KISS1: variants seen among roughly 807,000 people sequenced by gnomAD.
The protein encoded by KISS1 is KiSS-1 metastasis suppressor.
For missense variants in KISS1, 182 were observed against 182.7 expected (o/e 1.00, Z 0.02); for synonymous variants, 97 against 88.7 (o/e 1.09, Z -0.52).
intron 1 of KISS1, among the ~76,000 whole-genome samples, chr1:204,194,467 T>C (rs374238304): frequency 3.6e-4 from 55 of 152,320 alleles, no homozygotes; most frequent in African/African-American, 1.3e-3. Flanking sequence ...AGGGTCTGGG[T>C]TGATTTGGAA....
intron 2 of KISS1, among the ~76,000 whole-genome samples, chr1:204,191,744 G>A (rs558721619): frequency 2.0e-5 from 3 of 152,354 alleles, no homozygotes; most frequent in East Asian, 3.9e-4. Flanking sequence ...AGTCGCCTGC[G>A]AGGTCCCTCA....
At position 204,193,234 on chromosome 1, in the gene KISS1, A is replaced by G. The variant is rs541951913; in HGVS notation, c.-38-320T>C. Among the ~76,000 whole-genome samples the G allele has an allele frequency of 2.6e-5, 4 of 152,178 alleles. No individual in the cohort carries two copies. The South Asian group carries it at 8.3e-4, about 32-fold the overall frequency. ...GGGGCAGGACTGCTTGGGTCAGAGA[A>G]TGGCCAGGATTCTGAATCTCAGGGT... On this transcript the variant is annotated intron_variant, in intron 1 of 2. Coordinates refer to ENST00000367194, the MANE Select transcript of KISS1 (RefSeq NM_002256.4).
chr1:204,190,884 T>G (rs1477066728), intron 2 of KISS1, 87 bp from the exon 3 acceptor site: 1 of 1,190,676 alleles, frequency 8.4e-7, no homozygotes, highest in African/African-American at 1.5e-5. Context: ...TATCCTTCTT[T>G]TCCTTCCTTG....
intron 2 of KISS1, among the ~76,000 whole-genome samples, chr1:204,191,821 C>T (rs1031697018): frequency 4.6e-5 from 7 of 152,206 alleles, no homozygotes; most frequent in African/African-American, 1.7e-4. Context: ...CACGCTAGAC[C>T]AGTAGTAAAT....
intron 1 of KISS1, among the ~76,000 whole-genome samples, chr1:204,195,141 C>A (rs911573856): frequency 1.1e-5 from 1 of 94,184 alleles, no homozygotes; most frequent in African/African-American, 4.2e-5. Context: ...AGCACACACA[C>A]ACACACCCCC....
Position 204,190,429 on chromosome 1 carries a change from C to CCCCCATGCTCTGACT in KISS1, c.*54_*55insAGTCAGAGCATGGGG. 1.0e-6 allele frequency: 1 copy of CCCCCATGCTCTGACT among 998,578 alleles called. No homozygotes were observed. Among genetic ancestry groups the CCCCCATGCTCTGACT allele is most frequent in the Non-Finnish European group, 1.5e-6 (1 of 661,878 alleles). 61.9% of individuals were successfully genotyped at this position (998,578 alleles called of 1,614,324 possible). A position where few individuals can be genotyped will look rare whatever the true frequency, so the allele number is the denominator to read the frequency against. On this transcript the variant is annotated 3_prime_UTR_variant, in exon 3 of 3. Transcript: ENST00000367194. ...CTACGTCCCCGCCCCCCGCCCCCGCCCCGCATGCTCTGACTCCTTTGGGGT... is the reference window on the plus strand; with the variant it reads ...CTACGTCCCCGCCCCCCGCCCCCGCCCCCCATGCTCTGACTCCGCATGCTCTGACTCCTTTGGGGT...
At chr1:204,195,292 A>C (rs370833675) in intron 1 of KISS1, among the ~76,000 whole-genome samples, 11 of 9,430 alleles carry the variant, frequency 1.2e-3, no homozygotes, top group African/African-American at 3.8e-3. Context: ...CACACCACAC[A>C]CATACACCCA....
chr1:204,192,784 A>G lies in KISS1; in HGVS notation c.93T>C (p.Ser31=). ...PLEKVASVGN[S]RPTGQQLESL... ...CCAGAGGATACATACCTGTGGGTCT[A>G]GAATTCCCCACAGAGGCCACCTTTT... Residue 31 remains serine, a synonymous_variant, in exon 2 of 3, where the codon TCT becomes TCC. Transcript: ENST00000367194. The surrounding 1 kb of genome is among the most constrained non-coding windows in gnomAD (Gnocchi z 4.2). The G allele has an allele frequency of 1.3e-6, 2 of 1,590,640 alleles. No homozygotes were observed. Among genetic ancestry groups the G allele is most frequent in the Non-Finnish European group, 1.7e-6 (2 of 1,164,542 alleles).
Position 204,190,718 on chromosome 1 carries a change from A to G in KISS1, c.183T>C (p.Thr61=). 1 of 1,608,558 alleles carries G rather than the reference A, an allele frequency of 6.2e-7. No homozygotes were observed. The highest frequency in any genetic ancestry group is 8.5e-7 in the Non-Finnish European group (1 of 1,178,566). The part of the protein sequence containing the change: ...LPCTERKPAA[T]ARLSRRGTSL... Reference sequence around the variant, plus strand: ...AGGTCCCCCGACGGCTCAGCCTGGCAGTAGCAGCTGGCTTCCTCTCGGTGC... The same window carrying G: ...AGGTCCCCCGACGGCTCAGCCTGGCGGTAGCAGCTGGCTTCCTCTCGGTGC... Residue 61 remains threonine (T), a synonymous_variant, in exon 3 of 3, where the codon ACT becomes ACC. Transcript: ENST00000367194.
At chr1:204,195,277 C>CACACATCATA (rs1658827864) in intron 1 of KISS1, among the ~76,000 whole-genome samples, 1 of 2,798 alleles carries the variant, frequency 3.6e-4, no homozygotes, top group Non-Finnish European at 7.2e-4. Flanking sequence ...CACACATACA[C>CACACATCATA]CACACACACC....
Position 204,192,693 on chromosome 1 carries a change from G to A in KISS1, c.103+81C>T, listed in dbSNP as rs1034026159. ...ATGCAATGTTAAACTCACACCAGTC[G>A]ACTAGATGGAAAATACGGGAAAGCT... On this transcript the variant is annotated intron_variant, in intron 2 of 2. Coordinates refer to ENST00000367194, the MANE Select transcript of KISS1 (RefSeq NM_002256.4). This position sits in a 1 kb window ranked among gnomAD's most constrained non-coding sequence, Gnocchi z 4.2. 9.5e-6 allele frequency: 8 copies of A among 839,056 alleles called. No individual in the cohort carries two copies. Among genetic ancestry groups the A allele is most frequent in the South Asian group, 5.7e-5 (4 of 69,582 alleles). The allele number at this position is 839,056 out of a possible 1,614,324, so 52.0% of individuals were successfully genotyped here.
rs1658753719 is a variant in KISS1, at chr1:204,192,012, G to T, written c.103+762C>A. On this transcript the variant is annotated intron_variant, in intron 2 of 2. Coordinates refer to ENST00000367194, the MANE Select transcript of KISS1 (RefSeq NM_002256.4). This position sits in a 1 kb window ranked among gnomAD's most constrained non-coding sequence, Gnocchi z 4.2. ...CGACACCCGGGGCCGTGTCCTCTGT[G>T]CTCTGGAAGGTCTTATGGGCATATA... Among the ~76,000 whole-genome samples, 2 of 152,200 alleles carry T rather than the reference G, an allele frequency of 1.3e-5. No homozygotes were observed.
chr1:204,195,636 TAC>T (rs1658843802), intron 1 of KISS1, among the ~76,000 whole-genome samples: 1 of 140,906 alleles, frequency 7.1e-6, no homozygotes, highest in African/African-American at 2.7e-5. Flanking sequence ...ACGTACATCA[TAC>T]ACACACATAC....
chr1:204,191,241 C>T (rs1290139608), intron 2 of KISS1, among the ~76,000 whole-genome samples: 1 of 152,092 alleles, frequency 6.6e-6, no homozygotes, highest in Non-Finnish European at 1.5e-5. Context: ...CTGTTAAATA[C>T]ATAAAAGCTA....
rs753060473 is a variant in KISS1 at position 204,190,698 on chromosome 1, C to A, written c.203G>T (p.Gly68Val). 6.2e-7 allele frequency: 1 copy of A among 1,602,048 alleles called. No individual in the cohort carries two copies. The highest frequency in any genetic ancestry group is 8.5e-7 in the Non-Finnish European group (1 of 1,175,506). Residue 68 changes from glycine to valine, a missense_variant, in exon 3 of 3, where the codon GGG (glycine) becomes GTG (valine). Gly to Val is a moderately radical substitution (Grantham distance 109). Coordinates refer to ENST00000367194, the MANE Select transcript of KISS1 (RefSeq NM_002256.4). ...PAATARLSRR[G>V]TSLSPPPESS... is the part of the protein sequence containing the mutation. Reference sequence around the variant, plus strand: ...CTCGGGGGGCGGGGACAGCGAGGTCCCCCGACGGCTCAGCCTGGCAGTAGC... The same window carrying A: ...CTCGGGGGGCGGGGACAGCGAGGTCACCCGACGGCTCAGCCTGGCAGTAGC...
chr1:204,194,768 G>A (rs1658803712), intron 1 of KISS1, among the ~76,000 whole-genome samples: 1 of 152,162 alleles, frequency 6.6e-6, no homozygotes, highest in Non-Finnish European at 1.5e-5. Context: ...TACAGAAAGT[G>A]TTCCCAGGAC....
Position 204,190,658 on chromosome 1 carries a change from G to A in KISS1, c.243C>T (p.Pro81=). Reference sequence around the variant, plus strand: ...GGGGGGCGGACAGGCCCGGCTGCTGGGGGCTCCCGGAGCTCTCGGGGGGCG... The same window carrying A: ...GGGGGGCGGACAGGCCCGGCTGCTGAGGGCTCCCGGAGCTCTCGGGGGGCG... The part of the protein sequence containing the change: ...LSPPPESSGS[P]QQPGLSAPHS... The change falls in exon 3 of 3, where the codon CCC becomes CCT. Residue 81 remains proline (P), a synonymous_variant. Coordinates refer to ENST00000367194, the MANE Select transcript of KISS1 (RefSeq NM_002256.4). 6.3e-7 allele frequency: 1 copy of A among 1,585,618 alleles called. No individual in the cohort carries two copies. Among genetic ancestry groups the A allele is most frequent in the Non-Finnish European group, 8.6e-7 (1 of 1,166,540 alleles).
At chr1:204,195,208 T>TACACAAACCACAC in intron 1 of KISS1, among the ~76,000 whole-genome samples, 1 of 1,934 alleles carries the variant, frequency 5.2e-4, no homozygotes, top group Middle Eastern at 0.17. Flanking sequence ...CACACACATA[T>TACACAAACCACAC]ATACGCACAC....
chr1:204,191,737 C>A (rs1042535993), intron 2 of KISS1, among the ~76,000 whole-genome samples: 2 of 152,208 alleles, frequency 1.3e-5, no homozygotes, highest in African/African-American at 4.8e-5. Context: ...TAATGGCAGT[C>A]GCCTGCGAGG....
Sources: allele counts gnomAD v4.1 joint callset (sites outside exome capture counted in the v4.1 genomes callset), GRCh38; gene constraint gnomAD v4.1.1; non-coding constraint Gnocchi (gnomAD v3.1); transcripts MANE v1.5; gene names NCBI Gene and HGNC (gene_info 2026-07-23, HGNC 2026-07-21).